Variants in KCNQ3 observed in about 807,000 individuals in gnomAD.
The protein encoded by KCNQ3 is potassium voltage-gated channel subfamily Q member 3.
Under a neutral mutation model 92.5 loss-of-function variants are expected in KCNQ3, and 30 were observed. That is an observed-to-expected ratio of 0.32 (90% confidence interval 0.24 to 0.44). The LOEUF (loss-of-function observed/expected upper bound fraction) is 0.44. Ranked by LOEUF, KCNQ3 falls within the 20% of genes least tolerant of loss-of-function variation. The probability of loss-of-function intolerance (pLI) is 1.00; values close to 1 mark genes in which losing one functional copy is unlikely to be tolerated. For synonymous variants in KCNQ3, 450 were observed against 468.8 expected, an observed-to-expected ratio of 0.96 and a Z score of 0.52; for missense variants, 913 against 1,140.3, an observed-to-expected ratio of 0.80 and a Z score of 2.87.
At chr8:132,187,598 C>G (rs1827009803) in intron 1 of KCNQ3, among the ~76,000 whole-genome samples, 1 of 151,438 alleles carries the variant, frequency 6.6e-6, no homozygotes, top group Admixed American at 6.6e-5. Flanking sequence ...CCCCTAAGCC[C>G]CATATCTTCT....
intron 4 of KCNQ3, among the ~76,000 whole-genome samples, chr8:132,177,317 A>G (rs1409021748): frequency 6.6e-6 from 1 of 152,112 alleles, no homozygotes; most frequent in Non-Finnish European, 1.5e-5. Context: ...ACTTTATACA[A>G]TTTTTGCTAG....
At chr8:132,457,017 T>G (rs1400954854) in intron 1 of KCNQ3, among the ~76,000 whole-genome samples, 1 of 152,230 alleles carries the variant, frequency 6.6e-6, no homozygotes, top group Admixed American at 6.5e-5. Flanking sequence ...CAACCAACAG[T>G]GTGAATGCTG....
Position 132,129,135 on chromosome 8 carries a change from G to A in KCNQ3, c.*127C>T. ...TGTGGGAAGCCCCTGCCTGGGTGGG[G>A]CCACCACGCACACGCATGCATTTGA... is the stretch of plus-strand genomic sequence containing the variant. On this transcript the variant is annotated 3_prime_UTR_variant, in exon 15 of 15. Transcript: ENST00000388996. This position sits in a 1 kb window ranked among gnomAD's most constrained non-coding sequence, Gnocchi z 5.9. 8.6e-7 allele frequency: 1 copy of A among 1,162,384 alleles called. No individual in the cohort carries two copies. Among genetic ancestry groups the A allele is most frequent in the South Asian group, 1.4e-5 (1 of 70,038 alleles). The allele number at this position is 1,162,384 out of a possible 1,614,324, so 72.0% of individuals were successfully genotyped here.
At chr8:132,407,459 T>A (rs1820521304) in intron 1 of KCNQ3, among the ~76,000 whole-genome samples, 1 of 152,210 alleles carries the variant, frequency 6.6e-6, no homozygotes, top group Non-Finnish European at 1.5e-5. Flanking sequence ...AACAAATCAA[T>A]GTGTGTAGCA....
intron 1 of KCNQ3, among the ~76,000 whole-genome samples, chr8:132,224,631 G>A (rs79425846): frequency 0.012 from 1,855 of 152,226 alleles, 20 homozygotes; most frequent in South Asian, 0.049. Context: ...CCTGAAAAGC[G>A]TTAAAATTAG....
intron 7 of KCNQ3, 113 bp from the exon 8 acceptor site, chr8:132,170,541 T>C: frequency 1.4e-6 from 1 of 729,666 alleles, no homozygotes; most frequent in Non-Finnish European, 2.4e-6. Flanking sequence ...AATTTGAATG[T>C]GCATTGAGCC....
At chr8:132,436,795 T>C (rs1821405122) in intron 1 of KCNQ3, among the ~76,000 whole-genome samples, 1 of 152,104 alleles carries the variant, frequency 6.6e-6, no homozygotes, top group South Asian at 2.1e-4. Flanking sequence ...GAGAAAACCC[T>C]TGGTAGTGGT....
At chr8:132,187,906 G>GTGGTGGTGGTGGTGGTGATAGTGA in intron 1 of KCNQ3, among the ~76,000 whole-genome samples, 1 of 90,184 alleles carries the variant, frequency 1.1e-5, no homozygotes, top group East Asian at 2.7e-4. Flanking sequence ...GGTGGTGATG[G>GTGGTGGTGGTGGTGGTGATAGTGA]TGGTGGTGGT....
chr8:132,245,507 T>C (rs986303237), intron 1 of KCNQ3, among the ~76,000 whole-genome samples: 1 of 152,174 alleles, frequency 6.6e-6, no homozygotes, highest in Non-Finnish European at 1.5e-5. Flanking sequence ...GTGATACAAA[T>C]ACATTCATTG....
Position 132,268,417 on chromosome 8 carries a change from C to T in KCNQ3, c.387-82236G>A, listed in dbSNP as rs148555563. ...GTAACTGGGAGCATGTGTCATCACACCTGGCTAAATTTTGTATTTTTAGTA... is the reference window on the plus strand; with the variant it reads ...GTAACTGGGAGCATGTGTCATCACATCTGGCTAAATTTTGTATTTTTAGTA... On this transcript the variant is annotated intron_variant, in intron 1 of 14. Coordinates refer to ENST00000388996, the MANE Select transcript of KCNQ3 (RefSeq NM_004519.4). Among the ~76,000 whole-genome samples, 576 of 152,184 alleles carry T rather than the reference C, an allele frequency of 3.8e-3. 6 individuals carry two copies. The highest frequency in any genetic ancestry group is 0.013 in the African/African-American group (534 of 41,538).
chr8:132,474,228 T>A (rs1822356558), intron 1 of KCNQ3, among the ~76,000 whole-genome samples: 1 of 152,214 alleles, frequency 6.6e-6, no homozygotes, highest in African/African-American at 2.4e-5. Flanking sequence ...AACTAATGTA[T>A]ACTGAGTGCC....
intron 1 of KCNQ3, among the ~76,000 whole-genome samples, chr8:132,345,126 A>G (rs1354551462): frequency 3.9e-5 from 6 of 152,144 alleles, no homozygotes; most frequent in African/African-American, 1.2e-4. Flanking sequence ...CCCTCAGGAC[A>G]CTAGAATTTA....
intron 1 of KCNQ3, among the ~76,000 whole-genome samples, chr8:132,235,027 A>C (rs562442492): frequency 7.9e-5 from 12 of 152,240 alleles, no homozygotes; most frequent in Non-Finnish European, 1.8e-4. Context: ...GTGGTATGTG[A>C]ATTATATGTA....
intron 1 of KCNQ3, among the ~76,000 whole-genome samples, chr8:132,332,168 C>G (rs1818250643): frequency 6.6e-6 from 1 of 152,200 alleles, no homozygotes; most frequent in South Asian, 2.1e-4. Flanking sequence ...ACCCAGCAGC[C>G]ATGCCATGAG....
intron 1 of KCNQ3, among the ~76,000 whole-genome samples, chr8:132,264,225 C>T (rs1815898882): frequency 1.3e-5 from 2 of 152,314 alleles, no homozygotes; most frequent in African/African-American, 4.8e-5. Context: ...AGGCCAGCCA[C>T]TGCATGACAC....
At position 132,121,049 on chromosome 8, in the gene KCNQ3, G is replaced by A. The variant is rs954990207; in HGVS notation, c.*8213C>T. ...ATTACAGGAAATCATATTATAAAGA[G>A]CACTAAAGGCCACTTGTGGAATAGT... On this transcript the variant is annotated 3_prime_UTR_variant, in exon 15 of 15. Coordinates refer to ENST00000388996, the MANE Select transcript of KCNQ3 (RefSeq NM_004519.4). 2.0e-5 allele frequency: 3 copies of A among 152,114 alleles called. No individual in the cohort carries two copies. The highest frequency in any genetic ancestry group is 7.2e-5 in the African/African-American group (3 of 41,424). The allele number at this position is 152,114 out of a possible 1,614,324, so 9.4% of individuals were successfully genotyped here.
intron 1 of KCNQ3, among the ~76,000 whole-genome samples, chr8:132,378,552 A>G (rs2130750417): frequency 6.6e-6 from 1 of 152,336 alleles, no homozygotes; most frequent in African/African-American, 2.4e-5. Flanking sequence ...ATGGAACTAT[A>G]TTATATACTA....
intron 1 of KCNQ3, among the ~76,000 whole-genome samples, chr8:132,312,306 T>C (rs1458169637): frequency 6.6e-6 from 1 of 152,258 alleles, no homozygotes; most frequent in Non-Finnish European, 1.5e-5. Context: ...AAATGTGCCA[T>C]ATTTCTGCTT....
intron 1 of KCNQ3, among the ~76,000 whole-genome samples, chr8:132,451,834 A>G (rs1821827050): frequency 1.3e-5 from 2 of 152,204 alleles, no homozygotes; most frequent in African/African-American, 2.4e-5. Context: ...GAGCAGCGGG[A>G]AGGTGGGGAG....
Sources: allele counts gnomAD v4.1 joint callset (sites outside exome capture counted in the v4.1 genomes callset), GRCh38; gene constraint gnomAD v4.1.1; non-coding constraint Gnocchi (gnomAD v3.1); transcripts MANE v1.5; gene names NCBI Gene and HGNC (gene_info 2026-07-23, HGNC 2026-07-21).